ZNF444: variants seen among roughly 807,000 people sequenced by gnomAD.
The protein encoded by ZNF444 is endothelial zinc finger protein 2.
In ZNF444, 8 loss-of-function variants were observed where a neutral mutation model predicts 14.4. That is an observed-to-expected ratio of 0.56 (90% CI 0.33 to 1.00). The LOEUF (loss-of-function observed/expected upper bound fraction) is 1.00. Ranked by LOEUF, ZNF444 falls within the 50% of genes least tolerant of loss-of-function variation. The probability of loss-of-function intolerance (pLI) is 0.03; values close to 1 mark genes in which losing one functional copy is unlikely to be tolerated. For synonymous variants in ZNF444, 258 were observed against 235.9 expected (o/e 1.09, Z -0.86); for missense variants, 510 against 504.8 (o/e 1.01, Z -0.10).
intron 3 of ZNF444, among the ~76,000 whole-genome samples, chr19:56,148,357 G>A (rs551526204): frequency 6.6e-6 from 1 of 152,280 alleles, no homozygotes; most frequent in African/African-American, 2.4e-5. Flanking sequence ...GTGGCAGGAG[G>A]GTGAAGAGTC....
chr19:56,136,256 G>T (rs890974542), intron 1 of ZNF444, among the ~76,000 whole-genome samples: 1 of 152,028 alleles, frequency 6.6e-6, no homozygotes, highest in African/African-American at 2.4e-5. Flanking sequence ...GGGCATGTTG[G>T]GTGGGTTTGG....
chr19:56,148,081 A>G (rs1197490758), intron 3 of ZNF444, among the ~76,000 whole-genome samples: 3 of 152,204 alleles, frequency 2.0e-5, no homozygotes, highest in African/African-American at 2.4e-5. Flanking sequence ...ATGCCATCTT[A>G]AGTGTTCTAG....
At position 56,145,400 on chromosome 19, in the gene ZNF444, A is replaced by C. The variant is rs900111493; in HGVS notation, c.-196-847A>C. On this transcript the variant is annotated intron_variant, in intron 1 of 4. Coordinates refer to ENST00000337080, the MANE Select transcript of ZNF444 (RefSeq NM_018337.4). The surrounding 1 kb of genome is among the most constrained non-coding windows in gnomAD (Gnocchi z 4.3). ...CAGGAGTTTGAGACCAGTCTGGCCA[A>C]CCTGGCGAAACCCCGTCTCTACTAA... 2.0e-5 allele frequency among the ~76,000 whole-genome samples: 3 copies of C among 152,212 alleles called. No homozygotes were observed. The highest frequency in any genetic ancestry group is 1.3e-4 in the Admixed American group (2 of 15,286).
rs1331822212 is a variant in ZNF444, at chr19:56,159,736, A to G, written c.519A>G (p.Leu173=). Residue 173 remains leucine, a synonymous_variant, in exon 5 of 5, where the codon CTA becomes CTG. Transcript: ENST00000337080. ...TGGCGCCTGGCCTGCCCGCCTTCCT[A>G]GCGGCCCCGGGCACCACGTCCTGCC... The part of the protein sequence containing the change: ...PPLAPGLPAF[L]AAPGTTSCPE... 1.3e-6 allele frequency: 2 copies of G among 1,580,328 alleles called. No homozygotes were observed. The highest frequency in any genetic ancestry group is 1.7e-6 in the Non-Finnish European group (2 of 1,167,660).
intron 3 of ZNF444, among the ~76,000 whole-genome samples, chr19:56,154,082 G>T (rs1034527315): frequency 6.6e-6 from 1 of 152,212 alleles, no homozygotes; most frequent in Admixed American, 6.5e-5. Context: ...AGAACACCGT[G>T]TTCAACGTAC....
intron 1 of ZNF444, among the ~76,000 whole-genome samples, chr19:56,133,861 C>T (rs1476714571): frequency 2.0e-5 from 3 of 151,582 alleles, no homozygotes; most frequent in Non-Finnish European, 2.9e-5. Context: ...GCTGCCTCGC[C>T]GGGGGAGCAT....
Position 56,147,190 on chromosome 19 carries a change from C to T in ZNF444, c.279C>T (p.Ala93=), listed in dbSNP as rs1250417876. 2 of 1,456,120 alleles carry T rather than the reference C, an allele frequency of 1.4e-6. No homozygotes were observed. Among genetic ancestry groups the T allele is most frequent in the Non-Finnish European group, 1.8e-6 (2 of 1,109,350 alleles). 90.2% of individuals were successfully genotyped at this position (1,456,120 alleles called of 1,614,324 possible). The change falls in exon 3 of 5, where the codon GCC becomes GCT. Residue 93 remains alanine (A), a synonymous_variant. Coordinates refer to ENST00000337080, the MANE Select transcript of ZNF444 (RefSeq NM_018337.4). This position sits in a 1 kb window ranked among gnomAD's most constrained non-coding sequence, Gnocchi z 5.9. ...RQPQSGEEAV[A]LLEELWGPAA... ...CGCAGAGCGGGGAGGAGGCGGTGGC[C>T]CTGCTGGAGGAGCTCTGGGTGAGCC...
intron 1 of ZNF444, among the ~76,000 whole-genome samples, chr19:56,135,218 G>A (rs1236149902): frequency 2.0e-5 from 3 of 151,990 alleles, no homozygotes; most frequent in Admixed American, 6.6e-5. Context: ...GTGACAGGGC[G>A]AGACTCTGTC....
chr19:56,136,081 CAAAAAA>C (rs1199112916), intron 1 of ZNF444, among the ~76,000 whole-genome samples: 4 of 59,458 alleles, frequency 6.7e-5, no homozygotes, highest in African/African-American at 3.1e-4. Flanking sequence ...GATTCCGTCT[CAAAAAA>C]AAAAAAAAAA....
intron 1 of ZNF444, among the ~76,000 whole-genome samples, chr19:56,136,237 T>C (rs997082158): frequency 2.0e-5 from 3 of 152,118 alleles, no homozygotes; most frequent in Non-Finnish European, 4.4e-5. Flanking sequence ...CCCCAGGCTC[T>C]CTCGGCTGGG....
chr19:56,146,798 A>G, intron 2 of ZNF444, 92 bp from the exon 3 acceptor site: 1 of 1,019,268 alleles, frequency 9.8e-7, no homozygotes, highest in Middle Eastern at 3.6e-4. Context: ...AAAAATAAAA[A>G]GTAAAAAAAA....
chr19:56,152,767 C>T (rs2031664012), intron 3 of ZNF444, among the ~76,000 whole-genome samples: 1 of 151,970 alleles, frequency 6.6e-6, no homozygotes, highest in Non-Finnish European at 1.5e-5. Context: ...CCTGCTGTGT[C>T]CTCACAGGGC....
chr19:56,149,907 G>A (rs1230782487), intron 3 of ZNF444: 3 of 155,938 alleles, frequency 1.9e-5, no homozygotes, highest in African/African-American at 7.2e-5. Context: ...GGATAGTTCA[G>A]GAGAGTTTCC....
rs2031081880 is a variant in ZNF444, at chr19:56,145,008, CT to C, written c.-196-1238del. Among the ~76,000 whole-genome samples, 1 of 152,224 alleles carries C rather than the reference CT, an allele frequency of 6.6e-6. No homozygotes were observed. On this transcript the variant is annotated intron_variant, in intron 1 of 4. Coordinates refer to ENST00000337080, the MANE Select transcript of ZNF444 (RefSeq NM_018337.4). The surrounding 1 kb of genome is among the most constrained non-coding windows in gnomAD (Gnocchi z 4.3). ...GACAGCCTTACAGGCCACCCAGGCC[CT>C]GTCACAGCCACTCGGTAGCTCCAAG... is the stretch of plus-strand genomic sequence containing the variant.
intron 3 of ZNF444, among the ~76,000 whole-genome samples, chr19:56,152,310 C>T (rs1174715652): frequency 1.2e-4 from 18 of 145,934 alleles, no homozygotes; most frequent in African/African-American, 3.8e-4. Flanking sequence ...CCAGCCTGGG[C>T]GACAGAGTGA....
intron 1 of ZNF444, among the ~76,000 whole-genome samples, chr19:56,133,062 C>G (rs984820324): frequency 2.0e-5 from 3 of 151,076 alleles, no homozygotes; most frequent in African/African-American, 7.3e-5. Context: ...CTCAGCCTCC[C>G]AAGTAGCTGG....
chr19:56,137,288 T>C (rs1291453038), upstream of ZNF444, among the ~76,000 whole-genome samples: 1 of 151,278 alleles, frequency 6.6e-6, no homozygotes, highest in East Asian at 2.0e-4. Flanking sequence ...CTGGCCAACA[T>C]GGCAAAACCC....
At chr19:56,158,355 A>C in intron 3 of ZNF444, 139 bp from the exon 4 acceptor site, 1 of 754,236 alleles carries the variant, frequency 1.3e-6, no homozygotes, top group African/African-American at 1.8e-5. Flanking sequence ...TCTGTGGGGC[A>C]GCTTCAGTGT....
chr19:56,160,483 T>G lies in ZNF444; in HGVS notation c.*282T>G. ...GGGGCCTCTCCCTAATGTCTCCTCCTTCCCCCCTCTTCTCTCTCCTGCGGC... is the reference window on the plus strand; with the variant it reads ...GGGGCCTCTCCCTAATGTCTCCTCCGTCCCCCCTCTTCTCTCTCCTGCGGC... On this transcript the variant is annotated 3_prime_UTR_variant, in exon 5 of 5. Coordinates refer to ENST00000337080, the MANE Select transcript of ZNF444 (RefSeq NM_018337.4). The G allele has an allele frequency of 2.2e-4, 76 of 341,908 alleles. No individual in the cohort carries two copies. The highest frequency in any genetic ancestry group is 1.6e-3 in the Middle Eastern group (2 of 1,236). 21.2% of individuals were successfully genotyped at this position (341,908 alleles called of 1,614,324 possible).
Sources: gnomAD v4.1 joint callset for allele counts (sites outside exome capture counted in the v4.1 genomes callset) on GRCh38, gnomAD v4.1.1 for gene constraint, Gnocchi (gnomAD v3.1) non-coding constraint, MANE v1.5 for transcripts, NCBI Gene and HGNC (gene_info 2026-07-23, HGNC 2026-07-21) for gene names.